Variants in RALGAPA2 observed in about 807,000 individuals in gnomAD.
RALGAPA2 encodes ral GTPase-activating protein subunit alpha-2.
RALGAPA2 carries 139 observed loss-of-function variants against 230.4 expected under a neutral mutation model. That is an observed-to-expected ratio of 0.60 (90% CI 0.53 to 0.69). RALGAPA2 has a LOEUF of 0.69. Among genes scored for constraint, RALGAPA2 ranks in the 30% least tolerant of loss-of-function variants. RALGAPA2 has a pLI of 0.00. For synonymous variants in RALGAPA2, 847 were observed against 837.8 expected (o/e 1.01, Z -0.19); for missense variants, 2,163 against 2,276.0 (o/e 0.95, Z 1.01).
At chr20:20,655,442 C>G (rs1264196217) in intron 3 of RALGAPA2, among the ~76,000 whole-genome samples, 1 of 152,052 alleles carries the variant, frequency 6.6e-6, no homozygotes, top group Non-Finnish European at 1.5e-5. Flanking sequence ...AATGAGGACA[C>G]TTGAGCTGAG....
Position 20,616,485 on chromosome 20 carries a change from T to C in RALGAPA2, c.1540-294A>G, listed in dbSNP as rs531338440. ...GAAATTTTATGAGTCAGAAAAGCTT[T>C]TGAAGACTTTTCAACAACCCCTCAA... On this transcript the variant is annotated intron_variant, in intron 12 of 39. Coordinates refer to ENST00000202677, the MANE Select transcript of RALGAPA2 (RefSeq NM_020343.4). Among the ~76,000 whole-genome samples the C allele has an allele frequency of 3.3e-5, 5 of 152,296 alleles. No homozygotes were observed. The South Asian group carries it at 6.2e-4, about 19-fold the overall frequency.
intron 26 of RALGAPA2, 88 bp downstream of exon 26, chr20:20,535,651 AAAGAAT>A: frequency 6.8e-7 from 1 of 1,460,044 alleles, no homozygotes; most frequent in Non-Finnish European, 9.1e-7. Context: ...GAGCTATGTG[AAAGAAT>A]AAGTGTTTTC....
chr20:20,676,332 C>T, intron 2 of RALGAPA2, 44 bp from the exon 3 acceptor site: 1 of 1,283,804 alleles, frequency 7.8e-7, no homozygotes, highest in Non-Finnish European at 1.1e-6. Flanking sequence ...ATCATTTAAA[C>T]TTCAGGACAC....
chr20:20,399,152 C>T (rs2059779306), intron 38 of RALGAPA2, among the ~76,000 whole-genome samples: 1 of 152,186 alleles, frequency 6.6e-6, no homozygotes, highest in Non-Finnish European at 1.5e-5. Flanking sequence ...TGAGACCAGC[C>T]TGGCTAACAT....
chr20:20,458,826 A>ATATATATAGACCTATATATATATAGACC (rs1569418132), intron 37 of RALGAPA2, among the ~76,000 whole-genome samples: 3 of 6,544 alleles, frequency 4.6e-4, no homozygotes, highest in African/African-American at 1.8e-3. Context: ...ATAGACCTAT[A>ATATATATAGACCTATATATATATAGACC]TATATATATA....
chr20:20,404,887 G>A (rs2059914390), intron 38 of RALGAPA2, among the ~76,000 whole-genome samples: 1 of 152,200 alleles, frequency 6.6e-6, no homozygotes, highest in African/African-American at 2.4e-5. Flanking sequence ...ACTTCAAAAT[G>A]AATGATCTCA....
chr20:20,401,771 G>A (rs1439610045), intron 38 of RALGAPA2, among the ~76,000 whole-genome samples: 1 of 151,504 alleles, frequency 6.6e-6, no homozygotes, highest in Non-Finnish European at 1.5e-5. Flanking sequence ...GATAAAAACT[G>A]TCTTGTCCCC....
chr20:20,650,647 A>G (rs2067367448), intron 4 of RALGAPA2, among the ~76,000 whole-genome samples: 1 of 152,184 alleles, frequency 6.6e-6, no homozygotes, highest in African/African-American at 2.4e-5. Flanking sequence ...GGTTGGTGAG[A>G]AGGCCCCTCC....
At chr20:20,465,195 A>T (rs192273821) in intron 37 of RALGAPA2, among the ~76,000 whole-genome samples, 3,057 of 146,246 alleles carry the variant, frequency 0.021, 104 homozygotes, top group African/African-American at 0.072. Context: ...ACACACACAC[A>T]CACTCTCTCA....
At chr20:20,656,709 G>A (rs1477866359) in intron 3 of RALGAPA2, among the ~76,000 whole-genome samples, 5 of 152,128 alleles carry the variant, frequency 3.3e-5, no homozygotes, top group Non-Finnish European at 5.9e-5. Context: ...AAGAACCCAC[G>A]TGAGCATTGT....
intron 3 of RALGAPA2, among the ~76,000 whole-genome samples, chr20:20,659,124 T>A (rs1421568597): frequency 6.6e-6 from 1 of 152,198 alleles, no homozygotes; most frequent in Non-Finnish European, 1.5e-5. Context: ...ACCTTTTGAA[T>A]AATAAATATG....
chr20:20,573,136 G>A, intron 20 of RALGAPA2, 68 bp from the exon 21 acceptor site: 1 of 1,302,382 alleles, frequency 7.7e-7, no homozygotes. Context: ...TTTTCTTTAA[G>A]GCAAATTACC....
chr20:20,550,158 G>A (rs2063883779), intron 23 of RALGAPA2, among the ~76,000 whole-genome samples: 1 of 151,996 alleles, frequency 6.6e-6, no homozygotes, highest in Non-Finnish European at 1.5e-5. Flanking sequence ...TTTCCCCCAA[G>A]TCCCCAAAGT....
chr20:20,402,973 A>G (rs111381611), intron 38 of RALGAPA2, among the ~76,000 whole-genome samples: 2,384 of 152,248 alleles, frequency 0.016, 23 homozygotes, highest in Middle Eastern at 0.054. Context: ...TTGTGCCAGG[A>G]AAGTCCCTGC....
chr20:20,684,116 A>G (rs2068620269), intron 1 of RALGAPA2, among the ~76,000 whole-genome samples: 3 of 152,188 alleles, frequency 2.0e-5, no homozygotes, highest in Non-Finnish European at 1.5e-5. Context: ...TTTTTAATCA[A>G]CAGGTCTCCT....
intron 23 of RALGAPA2, among the ~76,000 whole-genome samples, chr20:20,569,832 G>A (rs1450272930): frequency 6.6e-6 from 1 of 152,098 alleles, no homozygotes; most frequent in Non-Finnish European, 1.5e-5. Flanking sequence ...TTTATAAAAT[G>A]AGAAGGATCT....
intron 20 of RALGAPA2, among the ~76,000 whole-genome samples, chr20:20,575,720 G>C (rs1051583490): frequency 6.6e-6 from 1 of 152,138 alleles, no homozygotes; most frequent in Non-Finnish European, 1.5e-5. Context: ...ATTAATTTAA[G>C]TCAGGTTGTT....
intron 18 of RALGAPA2, among the ~76,000 whole-genome samples, chr20:20,588,313 T>C (rs1201309281): frequency 6.6e-6 from 1 of 152,210 alleles, no homozygotes; most frequent in Non-Finnish European, 1.5e-5. Context: ...TATTGCTACA[T>C]AGCACAATGT....
At chr20:20,393,513 T>A (rs994126217) in intron 39 of RALGAPA2, among the ~76,000 whole-genome samples, 5 of 152,190 alleles carry the variant, frequency 3.3e-5, no homozygotes, top group African/African-American at 1.2e-4. Context: ...AGACTTACTG[T>A]CCAATTCATA....
Sources: allele counts gnomAD v4.1 joint callset (sites outside exome capture counted in the v4.1 genomes callset), GRCh38; gene constraint gnomAD v4.1.1; transcripts MANE v1.5; gene names NCBI Gene and HGNC (gene_info 2026-07-23, HGNC 2026-07-21).